Variants in ZMAT4 observed in about 807,000 individuals in gnomAD.
ZMAT4 encodes the protein zinc finger matrin-type 4.
Under a neutral mutation model 28.7 loss-of-function variants are expected in ZMAT4, and 17 were observed. That is an observed-to-expected ratio of 0.59 (90% CI 0.41 to 0.89). The LOEUF is 0.89. ZMAT4 is among the 40% of genes least tolerant of loss of function. The pLI is 0.00. For missense variants in ZMAT4, 240 were observed against 283.8 expected (o/e 0.85, Z 1.11); for synonymous variants, 117 against 109.2 (o/e 1.07, Z -0.44).
intron 6 of ZMAT4, among the ~76,000 whole-genome samples, chr8:40,532,442 C>T (rs1802721091): frequency 6.6e-6 from 1 of 151,996 alleles, no homozygotes; most frequent in Non-Finnish European, 1.5e-5. Flanking sequence ...AATGCCATCT[C>T]CACATACGTA....
chr8:40,842,916 C>T (rs1816753134), intron 1 of ZMAT4, among the ~76,000 whole-genome samples: 1 of 152,196 alleles, frequency 6.6e-6, no homozygotes, highest in South Asian at 2.1e-4. Flanking sequence ...GCTGGGATTA[C>T]AGGTGCCCAC....
At chr8:40,691,829 T>A (rs1481133065) in intron 4 of ZMAT4, among the ~76,000 whole-genome samples, 1 of 152,146 alleles carries the variant, frequency 6.6e-6, no homozygotes, top group Non-Finnish European at 1.5e-5. Flanking sequence ...CTGTGAATGT[T>A]CCCATGGATA....
intron 1 of ZMAT4, among the ~76,000 whole-genome samples, chr8:40,852,411 G>T (rs889265925): frequency 6.6e-6 from 1 of 152,164 alleles, no homozygotes; most frequent in Non-Finnish European, 1.5e-5. Flanking sequence ...TCCCTTGTAT[G>T]TCTGCCTTAT....
In ZMAT4 at chr8:40,629,007, C is replaced by CTT. The variant is rs55887019; in HGVS notation, c.577+45695_577+45696dup. Among the ~76,000 whole-genome samples, 390 of 145,496 alleles carry CTT rather than the reference C, an allele frequency of 2.7e-3. 2 individuals are homozygous for CTT. Among genetic ancestry groups the CTT allele is most frequent in the South Asian group, 5.3e-3 (24 of 4,558 alleles). Reference sequence around the variant, plus strand: ...AAATCCTGCCCTCGAGCTTTCTTTTCTTTTTTTTTTTTTAATGTCTTTATT... The same window carrying CTT: ...AAATCCTGCCCTCGAGCTTTCTTTTCTTTTTTTTTTTTTTTAATGTCTTTATT... On this transcript the variant is annotated intron_variant, in intron 5 of 6. Transcript: ENST00000297737.
intron 3 of ZMAT4, among the ~76,000 whole-genome samples, chr8:40,729,066 T>A (rs1046329092): frequency 2.0e-5 from 3 of 152,248 alleles, no homozygotes; most frequent in African/African-American, 7.2e-5. Flanking sequence ...ACATCATGAA[T>A]TTGTTTCTTT....
At chr8:40,778,428 G>T (rs1374174438) in intron 2 of ZMAT4, among the ~76,000 whole-genome samples, 1 of 152,180 alleles carries the variant, frequency 6.6e-6, no homozygotes, top group Non-Finnish European at 1.5e-5. Context: ...CCACCCTTGA[G>T]TCAGTTTTTT....
intron 1 of ZMAT4, among the ~76,000 whole-genome samples, chr8:40,896,550 A>C (rs1264894406): frequency 6.6e-6 from 1 of 152,180 alleles, no homozygotes; most frequent in Non-Finnish European, 1.5e-5. Flanking sequence ...CTGCTTCCCC[A>C]TGGGTCCCTG....
At chr8:40,844,274 G>C (rs373022910) in intron 1 of ZMAT4, among the ~76,000 whole-genome samples, 2 of 152,196 alleles carry the variant, frequency 1.3e-5, no homozygotes, top group African/African-American at 4.8e-5. Context: ...CAATGATGGC[G>C]TTCCCAGAAG....
At chr8:40,654,231 C>A (rs753535731) in intron 5 of ZMAT4, among the ~76,000 whole-genome samples, 1 of 152,158 alleles carries the variant, frequency 6.6e-6, no homozygotes, top group Non-Finnish European at 1.5e-5. Context: ...TGCTGCTGAG[C>A]ACCATTACCT....
chr8:40,822,172 A>G (rs1454043030), intron 2 of ZMAT4, among the ~76,000 whole-genome samples: 1 of 152,230 alleles, frequency 6.6e-6, no homozygotes, highest in Non-Finnish European at 1.5e-5. Flanking sequence ...TGTGCTTGGA[A>G]TCATACAGGT....
chr8:40,603,139 CAT>C (rs1477733452), intron 5 of ZMAT4, among the ~76,000 whole-genome samples: 10 of 152,278 alleles, frequency 6.6e-5, no homozygotes, highest in South Asian at 4.1e-4. Flanking sequence ...TTCTTCCACA[CAT>C]GTCTTGCCAA....
At chr8:40,890,517 C>T (rs1255814905) in intron 1 of ZMAT4, among the ~76,000 whole-genome samples, 1 of 152,110 alleles carries the variant, frequency 6.6e-6, no homozygotes, top group African/African-American at 2.4e-5. Context: ...TGTCTTCCTG[C>T]GGGCCCTCGC....
chr8:40,875,747 C>T (rs775749965), intron 1 of ZMAT4, among the ~76,000 whole-genome samples: 8 of 152,120 alleles, frequency 5.3e-5, no homozygotes, highest in Admixed American at 1.3e-4. Context: ...GCCCACAGTG[C>T]CCGGGCCGGT....
At chr8:40,725,931 A>G (rs962281560) in intron 3 of ZMAT4, among the ~76,000 whole-genome samples, 3 of 152,240 alleles carry the variant, frequency 2.0e-5, no homozygotes, top group Non-Finnish European at 2.9e-5. Flanking sequence ...CATAATTTTT[A>G]TCATCGGACC....
chr8:40,875,955 A>G (rs1312661148), intron 1 of ZMAT4, among the ~76,000 whole-genome samples: 1 of 152,180 alleles, frequency 6.6e-6, no homozygotes, highest in Non-Finnish European at 1.5e-5. Context: ...GAAAATGGCT[A>G]TTAACCCACT....
intron 5 of ZMAT4, among the ~76,000 whole-genome samples, chr8:40,602,520 C>T (rs542492441): frequency 5.6e-4 from 86 of 152,286 alleles, no homozygotes; most frequent in Middle Eastern, 3.4e-3. Flanking sequence ...TTCACCACAT[C>T]CATGCCAATC....
intron 3 of ZMAT4, among the ~76,000 whole-genome samples, chr8:40,763,774 A>C (rs2150558247): frequency 6.6e-6 from 1 of 152,296 alleles, no homozygotes; most frequent in Admixed American, 6.5e-5. Context: ...TAAAAGTGAC[A>C]CTCAGCTTCT....
intron 4 of ZMAT4, among the ~76,000 whole-genome samples, chr8:40,679,613 G>A (rs536127879): frequency 8.8e-4 from 134 of 152,178 alleles, no homozygotes; most frequent in Admixed American, 4.0e-3. Context: ...ACAGTGTGGG[G>A]GTAACCACCC....
intron 3 of ZMAT4, among the ~76,000 whole-genome samples, chr8:40,742,500 C>T (rs113560471): frequency 6.6e-6 from 1 of 151,770 alleles, no homozygotes; most frequent in Non-Finnish European, 1.5e-5. Context: ...TTTTAATTTT[C>T]AACTAAAATA....
Sources: allele counts gnomAD v4.1 joint callset (sites outside exome capture counted in the v4.1 genomes callset), GRCh38; gene constraint gnomAD v4.1.1; transcripts MANE v1.5; gene names NCBI Gene and HGNC (gene_info 2026-07-23, HGNC 2026-07-21).